PARD3: variants seen among roughly 807,000 people sequenced by gnomAD.
PARD3 encodes par-3 family cell polarity regulator.
PARD3 carries 75 observed loss-of-function variants against 155.4 expected under a neutral mutation model. That is an observed-to-expected ratio of 0.48 (90% CI 0.40 to 0.58). The LOEUF is 0.58. Ranked by LOEUF, PARD3 falls within the 20% of genes least tolerant of loss-of-function variation. PARD3 has a pLI of 0.00. For synonymous variants in PARD3, 576 were observed against 610.5 expected, an observed-to-expected ratio of 0.94 and a Z score of 0.83; for missense variants, 1,642 against 1,721.7, an observed-to-expected ratio of 0.95 and a Z score of 0.82.
chr10:34,651,141 T>C (rs1317143448), intron 2 of PARD3, among the ~76,000 whole-genome samples: 1 of 151,420 alleles, frequency 6.6e-6, no homozygotes, highest in African/African-American at 2.4e-5. Flanking sequence ...TGTGAGGAAT[T>C]ATGTGTTCCA....
At position 34,465,825 on chromosome 10, in the gene PARD3, G is replaced by A. The variant is rs556407505; in HGVS notation, c.582+4260C>T. On this transcript the variant is annotated intron_variant, in intron 4 of 24. Coordinates refer to ENST00000374788, the MANE Select transcript of PARD3 (RefSeq NM_001184785.2). Reference sequence around the variant, plus strand: ...GAAATAGTCCACAGTCCTTATCCCCGGCACTGCATGGAAAGCAGATTCTTC... The same window carrying A: ...GAAATAGTCCACAGTCCTTATCCCCAGCACTGCATGGAAAGCAGATTCTTC... Among the ~76,000 whole-genome samples the A allele has an allele frequency of 4.6e-5, 7 of 151,792 alleles. 1 individual carries two copies. The highest frequency in any genetic ancestry group is 1.3e-4 in the Admixed American group (2 of 15,250).
chr10:34,304,262 G>A lies in PARD3; in HGVS notation c.3065+12845C>T, dbSNP rs184163754. The stretch of plus-strand genomic sequence containing the variant: ...TGTAATCCCAGCACTTTGGGAGGCC[G>A]AGGTGGGAGAATCACTCGAAGCCAG... On this transcript the variant is annotated intron_variant, in intron 20 of 24. Transcript: ENST00000374788. Among the ~76,000 whole-genome samples, 129 of 151,746 alleles carry A rather than the reference G, an allele frequency of 8.5e-4. No individual in the cohort carries two copies. In the East Asian group the frequency reaches 0.016, roughly 18 times the overall value.
chr10:34,159,227 A>C (rs1480465203), intron 22 of PARD3, among the ~76,000 whole-genome samples: 3 of 152,198 alleles, frequency 2.0e-5, no homozygotes, highest in Non-Finnish European at 2.9e-5. Context: ...CTGCATTGTC[A>C]CTGATTCGCT....
At chr10:34,727,997 C>G (rs2094749417) in intron 1 of PARD3, among the ~76,000 whole-genome samples, 1 of 152,126 alleles carries the variant, frequency 6.6e-6, no homozygotes, top group Non-Finnish European at 1.5e-5. Context: ...CAACATTCAA[C>G]ATGTCAACCC....
intron 5 of PARD3, among the ~76,000 whole-genome samples, chr10:34,439,258 A>T (rs1191108263): frequency 6.6e-6 from 1 of 152,172 alleles, no homozygotes; most frequent in Non-Finnish European, 1.5e-5. Context: ...AGAAGAGTTA[A>T]TGAATTACTT....
At chr10:34,328,668 A>T (rs1835298576) in intron 19 of PARD3, among the ~76,000 whole-genome samples, 1 of 152,156 alleles carries the variant, frequency 6.6e-6, no homozygotes, top group African/African-American at 2.4e-5. Flanking sequence ...ATCTAGTCCA[A>T]ATCTTCAGTT....
intron 12 of PARD3, among the ~76,000 whole-genome samples, chr10:34,367,763 C>A (rs528848637): frequency 6.6e-6 from 1 of 152,200 alleles, no homozygotes; most frequent in African/African-American, 2.4e-5. Context: ...TAAGTGTTAG[C>A]AAAATAAACC....
chr10:34,430,904 C>T (rs527818480), intron 5 of PARD3, among the ~76,000 whole-genome samples: 24 of 152,288 alleles, frequency 1.6e-4, no homozygotes, highest in African/African-American at 4.8e-4. Flanking sequence ...AGAGGGAGCA[C>T]CGCAACATCT....
intron 2 of PARD3, among the ~76,000 whole-genome samples, chr10:34,668,777 AGGCT>A (rs2093551811): frequency 6.6e-6 from 1 of 152,150 alleles, no homozygotes; most frequent in Non-Finnish European, 1.5e-5. Flanking sequence ...GTTCAAGACC[AGGCT>A]GGGCAACATA....
chr10:34,669,329 G>A (rs1161251214), intron 2 of PARD3, among the ~76,000 whole-genome samples: 1 of 152,146 alleles, frequency 6.6e-6, no homozygotes, highest in African/African-American at 2.4e-5. Flanking sequence ...GGAACTGGAG[G>A]CCATTATCCA....
chr10:34,636,112 A>G (rs559978830), intron 2 of PARD3, among the ~76,000 whole-genome samples: 1 of 152,266 alleles, frequency 6.6e-6, no homozygotes, highest in South Asian at 2.1e-4. Context: ...GGAAGGAAGA[A>G]GGAAGAAGAA....
At chr10:34,724,364 A>T (rs2094662435) in intron 1 of PARD3, among the ~76,000 whole-genome samples, 1 of 152,224 alleles carries the variant, frequency 6.6e-6, no homozygotes, top group African/African-American at 2.4e-5. Context: ...TGGTGAAGAT[A>T]GCACTGTAAT....
intron 1 of PARD3, among the ~76,000 whole-genome samples, chr10:34,732,671 C>T (rs2094840562): frequency 2.0e-5 from 3 of 152,086 alleles, no homozygotes; most frequent in African/African-American, 7.2e-5. Context: ...GCACTCCAGC[C>T]TGGAGGACAG....
chr10:34,485,130 G>A (rs2133248762), intron 3 of PARD3, among the ~76,000 whole-genome samples: 1 of 152,278 alleles, frequency 6.6e-6, no homozygotes, highest in Middle Eastern at 3.4e-3. Flanking sequence ...CTTAGGTCAG[G>A]AGTTCGAGAC....
At chr10:34,207,499 G>C (rs1951536113) in intron 22 of PARD3, among the ~76,000 whole-genome samples, 1 of 152,126 alleles carries the variant, frequency 6.6e-6, no homozygotes, top group African/African-American at 2.4e-5. Flanking sequence ...AACTGTCCCT[G>C]GTCCTCAGAT....
At chr10:34,720,503 T>C (rs911421904) in intron 1 of PARD3, among the ~76,000 whole-genome samples, 27 of 144,702 alleles carry the variant, frequency 1.9e-4, no homozygotes, top group Non-Finnish European at 3.4e-4. Flanking sequence ...CTGTGTACTA[T>C]GCCAAGAATT....
At chr10:34,386,803 C>T (rs1041161033) in intron 7 of PARD3, among the ~76,000 whole-genome samples, 15 of 144,462 alleles carry the variant, frequency 1.0e-4, no homozygotes, top group South Asian at 2.2e-4. Context: ...GCCTGGGCAA[C>T]GCAAAACTCC....
chr10:34,130,044 T>C (rs760140979), intron 23 of PARD3, among the ~76,000 whole-genome samples: 3 of 152,116 alleles, frequency 2.0e-5, no homozygotes, highest in Admixed American at 1.3e-4. Flanking sequence ...CCCAACACTT[T>C]GTCTGAACTG....
At chr10:34,412,284 A>G (rs1024052085) in intron 5 of PARD3, among the ~76,000 whole-genome samples, 2 of 152,112 alleles carry the variant, frequency 1.3e-5, no homozygotes, top group South Asian at 2.1e-4. Context: ...AATCCCGTAG[A>G]TATCATATAT....
Sources: gnomAD v4.1 joint callset for allele counts (sites outside exome capture counted in the v4.1 genomes callset) on GRCh38, gnomAD v4.1.1 for gene constraint, MANE v1.5 for transcripts, NCBI Gene and HGNC (gene_info 2026-07-23, HGNC 2026-07-21) for gene names.